NGLY1: variants seen among roughly 807,000 people sequenced by gnomAD.
The protein encoded by NGLY1 is peptide-N(4)-(N-acetyl-beta-glucosaminyl)asparagine amidase.
In NGLY1, 68 loss-of-function variants were observed where a neutral mutation model predicts 84.6. That is an observed-to-expected ratio of 0.80 (90% CI 0.66 to 0.98). NGLY1 has a LOEUF of 0.98. NGLY1 is among the 50% of genes least tolerant of loss of function. The pLI is 0.00. For synonymous variants in NGLY1, 280 were observed against 275.2 expected (o/e 1.02, Z -0.17); for missense variants, 779 against 770.2 (o/e 1.01, Z -0.14).
At chr3:25,741,098 A>C (rs887115083) in intron 4 of NGLY1, among the ~76,000 whole-genome samples, 7 of 150,702 alleles carry the variant, frequency 4.6e-5, no homozygotes, top group African/African-American at 1.7e-4. Flanking sequence ...ATTGCACTCC[A>C]GCCTGAGTGA....
At chr3:25,776,522 T>G (rs1182424031) in intron 2 of NGLY1, among the ~76,000 whole-genome samples, 1 of 152,216 alleles carries the variant, frequency 6.6e-6, no homozygotes, top group Non-Finnish European at 1.5e-5. Context: ...ATCCCCTGCC[T>G]AATCTCTCCT....
At chr3:25,779,587 T>C (rs1708317674) in intron 1 of NGLY1, among the ~76,000 whole-genome samples, 1 of 149,234 alleles carries the variant, frequency 6.7e-6, no homozygotes, top group African/African-American at 2.6e-5. Context: ...TGTACTTCCA[T>C]AAGAAGCCAC....
At chr3:25,721,892 A>G (rs1705013504) in intron 10 of NGLY1, among the ~76,000 whole-genome samples, 1 of 151,446 alleles carries the variant, frequency 6.6e-6, no homozygotes, top group African/African-American at 2.4e-5. Context: ...ATCAAATCAT[A>G]AGCTCTCTGG....
chr3:25,780,291 T>C (rs753681004), intron 1 of NGLY1, among the ~76,000 whole-genome samples: 1 of 152,210 alleles, frequency 6.6e-6, no homozygotes, highest in Non-Finnish European at 1.5e-5. Flanking sequence ...CTGGCTTCCA[T>C]GCTACACTGT....
chr3:25,776,529 T>C (rs1235193960), intron 2 of NGLY1, among the ~76,000 whole-genome samples: 1 of 152,186 alleles, frequency 6.6e-6, no homozygotes. Context: ...GCCTAATCTC[T>C]CCTTTGGGGT....
intron 3 of NGLY1, among the ~76,000 whole-genome samples, chr3:25,757,090 G>C (rs1707077628): frequency 2.0e-5 from 3 of 152,118 alleles, no homozygotes; most frequent in Admixed American, 2.0e-4. Flanking sequence ...TTCATCTTAG[G>C]CTAGTGCTTG....
At chr3:25,753,956 C>T (rs1559545871) in intron 3 of NGLY1, among the ~76,000 whole-genome samples, 1 of 152,134 alleles carries the variant, frequency 6.6e-6, no homozygotes, top group Non-Finnish European at 1.5e-5. Context: ...ACAAGACAGA[C>T]ATGATCAATT....
In NGLY1 at chr3:25,732,391, T is replaced by C. The variant is rs748956391; in HGVS notation, c.1353A>G (p.Lys451=). Residue 451 remains lysine (K), a synonymous_variant, in exon 9 of 12, where the codon AAA becomes AAG. Transcript: ENST00000280700. ...LVEFISPKTP[K]PGELGGRISG... Reference sequence around the variant, plus strand: ...ATATTCTTCCCCCAAGTTCTCCAGGTTTAGGGGTTTTGGGAGATATAAATT... The same window carrying C: ...ATATTCTTCCCCCAAGTTCTCCAGGCTTAGGGGTTTTGGGAGATATAAATT... The C allele has an allele frequency of 4.3e-5, 69 of 1,613,530 alleles. No homozygotes were observed. The highest frequency in any genetic ancestry group is 5.6e-5 in the Non-Finnish European group (66 of 1,179,696).
intron 2 of NGLY1, among the ~76,000 whole-genome samples, chr3:25,768,410 T>G (rs1575655507): frequency 8.2e-6 from 1 of 121,684 alleles, no homozygotes; most frequent in South Asian, 2.9e-4. Context: ...CAACAAGAGG[T>G]GAAACTCCAT....
intron 1 of NGLY1, among the ~76,000 whole-genome samples, chr3:25,789,548 T>C (rs1033415680): frequency 6.6e-6 from 1 of 152,196 alleles, no homozygotes; most frequent in African/African-American, 2.4e-5. Flanking sequence ...CTATGTCTCC[T>C]AACAAATAGT....
intron 4 of NGLY1, among the ~76,000 whole-genome samples, chr3:25,744,492 C>A (rs1292555662): frequency 6.6e-6 from 1 of 152,220 alleles, no homozygotes; most frequent in Non-Finnish European, 1.5e-5. Flanking sequence ...GTGCACTGCA[C>A]TAATGAAAGA....
intron 10 of NGLY1, among the ~76,000 whole-genome samples, chr3:25,726,610 G>A (rs1705278043): frequency 6.6e-6 from 1 of 152,174 alleles, no homozygotes; most frequent in Non-Finnish European, 1.5e-5. Context: ...AGAGAGCAAG[G>A]GGTAGCACAG....
At chr3:25,751,598 T>C (rs1340193391) in intron 3 of NGLY1, among the ~76,000 whole-genome samples, 15 of 152,178 alleles carry the variant, frequency 9.9e-5, no homozygotes, top group Non-Finnish European at 7.3e-5. Context: ...ATCCCTGTAA[T>C]GTACAGCAGT....
intron 6 of NGLY1, chr3:25,736,613 T>C (rs2125476990): frequency 2.5e-6 from 1 of 405,164 alleles, no homozygotes; most frequent in East Asian, 3.9e-5. Context: ...TTTCATTTAA[T>C]TCTTTAGAAA....
At chr3:25,734,046 A>C in intron 7 of NGLY1, 64 bp from the exon 8 acceptor site, 6 of 1,583,020 alleles carry the variant, frequency 3.8e-6, no homozygotes, top group Non-Finnish European at 5.2e-6. Flanking sequence ...TACTTACTAA[A>C]TACCTAGAAT....
At chr3:25,771,416 G>A (rs754824474) in intron 2 of NGLY1, among the ~76,000 whole-genome samples, 14 of 152,002 alleles carry the variant, frequency 9.2e-5, no homozygotes, top group African/African-American at 3.4e-4. Context: ...TTTTTATGCC[G>A]GTACCATGCT....
intron 2 of NGLY1, among the ~76,000 whole-genome samples, chr3:25,769,194 A>T (rs2125301957): frequency 6.6e-6 from 1 of 152,132 alleles, no homozygotes; most frequent in Admixed American, 6.5e-5. Flanking sequence ...CCCCATCTCT[A>T]CTAAAAATAC....
intron 2 of NGLY1, among the ~76,000 whole-genome samples, chr3:25,764,646 C>T (rs1247340137): frequency 6.6e-6 from 1 of 151,240 alleles, no homozygotes. Flanking sequence ...ATGCATATTC[C>T]TATCCTCTCT....
chr3:25,729,535 G>C (rs1020574684), intron 9 of NGLY1: 1 of 309,970 alleles, frequency 3.2e-6, no homozygotes, highest in African/African-American at 2.1e-5. Flanking sequence ...AGAAGTATGA[G>C]CTCTGACTTA....
Sources: gnomAD v4.1 joint callset for allele counts (sites outside exome capture counted in the v4.1 genomes callset) on GRCh38, gnomAD v4.1.1 for gene constraint, MANE v1.5 for transcripts, NCBI Gene and HGNC (gene_info 2026-07-23, HGNC 2026-07-21) for gene names.